The following PCDH9 variants were observed in gnomAD, a reference collection of about 807,000 sequenced individuals.
PCDH9 encodes protocadherin-9.
PCDH9 carries 24 observed loss-of-function variants against 70.6 expected under a neutral mutation model. The ratio of observed to expected loss-of-function variants is 0.34; its 90% CI spans 0.25 to 0.48. The LOEUF (loss-of-function observed/expected upper bound fraction) is 0.48, where lower values mean the gene tolerates loss of function less well. Among genes scored for constraint, PCDH9 ranks in the 20% least tolerant of loss-of-function variants. The pLI is 0.99. For synonymous variants in PCDH9, 562 were observed against 558.5 expected (o/e 1.01, Z -0.09); for missense variants, 1,281 against 1,503.6 (o/e 0.85, Z 2.45).
chr13:66,950,490 T>C (rs1044349758), intron 2 of PCDH9, among the ~76,000 whole-genome samples: 4 of 151,512 alleles, frequency 2.6e-5, no homozygotes, highest in African/African-American at 9.7e-5. Context: ...GATATATGTG[T>C]ATGATTTTTT....
At chr13:66,692,588 A>G (rs2078503652) in intron 3 of PCDH9, among the ~76,000 whole-genome samples, 1 of 152,122 alleles carries the variant, frequency 6.6e-6, no homozygotes, top group Non-Finnish European at 1.5e-5. Flanking sequence ...ATATTAAGCC[A>G]TAGCCATCCA....
chr13:66,353,025 G>A (rs1956317849), intron 4 of PCDH9, among the ~76,000 whole-genome samples: 1 of 152,142 alleles, frequency 6.6e-6, no homozygotes, highest in Non-Finnish European at 1.5e-5. Flanking sequence ...ACCAGGGAGG[G>A]TAATCCTCCA....
chr13:67,070,815 C>A lies in PCDH9; in HGVS notation c.3036+154590G>T, dbSNP rs1034943087. Among the ~76,000 whole-genome samples the A allele has an allele frequency of 2.0e-5, 3 of 151,812 alleles. No individual in the cohort carries two copies. The South Asian group carries it at 6.2e-4, about 32-fold the overall frequency. ...AATCTAATAATTATGTAAGTTGATT[C>A]TTTTTTTTCTGAAAACATTGGTACT... On this transcript the variant is annotated intron_variant, in intron 2 of 4. Transcript: ENST00000377865.
chr13:66,910,488 G>T (rs185955612), intron 2 of PCDH9, among the ~76,000 whole-genome samples: 4 of 151,976 alleles, frequency 2.6e-5, no homozygotes, highest in Non-Finnish European at 5.9e-5. Context: ...GAACCAGTAC[G>T]TTCCAAAACA....
intron 2 of PCDH9, among the ~76,000 whole-genome samples, chr13:66,999,352 G>A (rs1342807906): frequency 6.6e-6 from 1 of 152,146 alleles, no homozygotes; most frequent in Non-Finnish European, 1.5e-5. Flanking sequence ...AGTGAAGGAA[G>A]AGGAGCAAAC....
chr13:66,747,315 C>A (rs1316872719), intron 3 of PCDH9, among the ~76,000 whole-genome samples: 1 of 152,190 alleles, frequency 6.6e-6, no homozygotes, highest in Non-Finnish European at 1.5e-5. Context: ...CGCACCATTG[C>A]ACTCCAGCCT....
At chr13:67,086,748 T>C (rs777932175) in intron 2 of PCDH9, among the ~76,000 whole-genome samples, 5 of 152,116 alleles carry the variant, frequency 3.3e-5, no homozygotes, top group Non-Finnish European at 5.9e-5. Flanking sequence ...CCAGAGGAAG[T>C]GACACTGGCA....
chr13:66,513,867 CAT>C (rs1351668640), intron 4 of PCDH9, among the ~76,000 whole-genome samples: 3 of 151,670 alleles, frequency 2.0e-5, no homozygotes, highest in Admixed American at 6.6e-5. Context: ...CCTTTTCAGA[CAT>C]GTGTGGTTAA....
intron 3 of PCDH9, among the ~76,000 whole-genome samples, chr13:66,795,909 C>T (rs1371845138): frequency 6.6e-6 from 1 of 152,124 alleles, no homozygotes; most frequent in Non-Finnish European, 1.5e-5. Context: ...TCGCTCATGG[C>T]TTTTGGAAGG....
chr13:67,202,372 AC>A (rs1382192586), intron 2 of PCDH9: 3 of 152,122 alleles, frequency 2.0e-5, no homozygotes, highest in Admixed American at 2.0e-4. Flanking sequence ...ATATGAGAAA[AC>A]CTATTATAAT....
At chr13:66,890,562 T>C (rs2139565146) in intron 3 of PCDH9, among the ~76,000 whole-genome samples, 1 of 151,712 alleles carries the variant, frequency 6.6e-6, no homozygotes, top group Middle Eastern at 3.4e-3. Flanking sequence ...CAAATGAGGA[T>C]GGTCTTTCTC....
At chr13:66,359,627 G>A (rs948441429) in intron 4 of PCDH9, among the ~76,000 whole-genome samples, 5 of 152,012 alleles carry the variant, frequency 3.3e-5, no homozygotes, top group Admixed American at 6.6e-5. Flanking sequence ...TTACATTCTA[G>A]GAGAAACATT....
chr13:66,961,015 T>G (rs966098904), intron 2 of PCDH9, among the ~76,000 whole-genome samples: 1 of 152,224 alleles, frequency 6.6e-6, no homozygotes, highest in Admixed American at 6.5e-5. Flanking sequence ...CACATACTTT[T>G]GTGTATTCAA....
chr13:66,708,410 T>TG (rs981591555), intron 3 of PCDH9, among the ~76,000 whole-genome samples: 3 of 151,120 alleles, frequency 2.0e-5, no homozygotes, highest in African/African-American at 4.8e-5. Context: ...TTAGTTTTTT[T>TG]TTTTTTTTTT....
At chr13:67,012,259 T>G (rs2084465741) in intron 2 of PCDH9, among the ~76,000 whole-genome samples, 1 of 151,656 alleles carries the variant, frequency 6.6e-6, no homozygotes, top group African/African-American at 2.4e-5. Flanking sequence ...TCAATAAATG[T>G]AACCTTATAA....
At chr13:66,932,681 T>TATATATACACACACAC (rs1313632174) in intron 2 of PCDH9, among the ~76,000 whole-genome samples, 2 of 114,820 alleles carry the variant, frequency 1.7e-5, no homozygotes, top group African/African-American at 6.8e-5. Context: ...TATATATATA[T>TATATATACACACACAC]ACACACACAC....
chr13:66,971,485 T>C (rs1468157689), intron 2 of PCDH9, among the ~76,000 whole-genome samples: 1 of 152,114 alleles, frequency 6.6e-6, no homozygotes, highest in Non-Finnish European at 1.5e-5. Flanking sequence ...TTATATTTTC[T>C]CTTTTGCATT....
At chr13:67,191,188 A>G (rs1259042472) in intron 2 of PCDH9, among the ~76,000 whole-genome samples, 1 of 152,122 alleles carries the variant, frequency 6.6e-6, no homozygotes, top group Non-Finnish European at 1.5e-5. Context: ...CTAAATTCTC[A>G]TTCCACAAGT....
intron 2 of PCDH9, among the ~76,000 whole-genome samples, chr13:66,923,381 GTTCT>G (rs774634629): frequency 5.9e-5 from 9 of 151,458 alleles, no homozygotes; most frequent in Non-Finnish European, 1.0e-4. Flanking sequence ...TCATAACAGA[GTTCT>G]TTCTAAAAAT....
Sources: gnomAD v4.1 joint callset for allele counts (sites outside exome capture counted in the v4.1 genomes callset) on GRCh38, gnomAD v4.1.1 for gene constraint, MANE v1.5 for transcripts, NCBI Gene and HGNC (gene_info 2026-07-23, HGNC 2026-07-21) for gene names.